PDE1A: variants seen among roughly 807,000 people sequenced by gnomAD.
PDE1A encodes the protein phosphodiesterase 1A.
In PDE1A, 35 loss-of-function variants were observed where a neutral mutation model predicts 61.7. That is an observed-to-expected ratio of 0.57 (90% confidence interval 0.43 to 0.75). PDE1A has a LOEUF of 0.75. Ranked by LOEUF, PDE1A falls within the 30% of genes least tolerant of loss-of-function variation. The probability of loss-of-function intolerance (pLI) is 0.00; values close to 1 mark genes in which losing one functional copy is unlikely to be tolerated. For synonymous variants in PDE1A, 232 were observed against 213.2 expected, an observed-to-expected ratio of 1.09 and a Z score of -0.77; for missense variants, 597 against 630.6, an observed-to-expected ratio of 0.95 and a Z score of 0.57.
the PDE1A span, among the ~76,000 whole-genome samples, chr2:182,687,922 G>T: frequency 6.6e-6 from 1 of 152,190 alleles, no homozygotes; most frequent in East Asian, 1.9e-4. Context: ...GGAAAAAAGG[G>T]TATCACTGAT....
intron 1 of PDE1A, among the ~76,000 whole-genome samples, chr2:182,414,661 A>G (rs1201757546): frequency 1.3e-5 from 2 of 152,108 alleles, no homozygotes. Context: ...ATTGTTATCT[A>G]GACATCTAAA....
the PDE1A span, among the ~76,000 whole-genome samples, chr2:182,678,567 A>G: frequency 6.6e-6 from 1 of 152,244 alleles, no homozygotes; most frequent in Admixed American, 6.5e-5. Flanking sequence ...ATTAATGGGA[A>G]AAACAACTAC....
At chr2:182,676,521 T>C in the PDE1A span, among the ~76,000 whole-genome samples, 99,322 of 151,794 alleles carry the variant, frequency 0.65, 32,853 homozygotes, top group Middle Eastern at 0.78. Flanking sequence ...CCTACTAAAA[T>C]TATCCCAAAA....
At chr2:182,434,421 C>T (rs1441769323) in intron 2 of PDE1A, among the ~76,000 whole-genome samples, 1 of 152,098 alleles carries the variant, frequency 6.6e-6, no homozygotes, top group Non-Finnish European at 1.5e-5. Flanking sequence ...CTCATTTCCT[C>T]ACAGTTACAG....
At chr2:182,207,814 G>A (rs1311799853) in intron 7 of PDE1A, among the ~76,000 whole-genome samples, 1 of 152,194 alleles carries the variant, frequency 6.6e-6, no homozygotes, top group African/African-American at 2.4e-5. Flanking sequence ...CCACTGCTCT[G>A]TGCACGCATC....
chr2:182,673,143 A>C, the PDE1A span, among the ~76,000 whole-genome samples: 3 of 152,224 alleles, frequency 2.0e-5, no homozygotes, highest in African/African-American at 7.2e-5. Context: ...ATATGCCATT[A>C]TATCATTAGC....
intron 2 of PDE1A, among the ~76,000 whole-genome samples, chr2:182,516,688 G>GGAAGGGAA (rs1389906763): frequency 5.6e-4 from 51 of 90,978 alleles, no homozygotes; most frequent in African/African-American, 2.3e-3. Flanking sequence ...AGGGAAGGAG[G>GGAAGGGAA]GAAGGGAGGA....
chr2:182,203,108 G>T (rs1032880848), intron 8 of PDE1A, among the ~76,000 whole-genome samples: 2 of 152,128 alleles, frequency 1.3e-5, no homozygotes, highest in African/African-American at 2.4e-5. Flanking sequence ...GAGGTCAGGA[G>T]ATCGAGACCA....
At chr2:182,151,660 T>C (rs944940035) in intron 13 of PDE1A, among the ~76,000 whole-genome samples, 6 of 152,218 alleles carry the variant, frequency 3.9e-5, no homozygotes, top group African/African-American at 1.4e-4. Flanking sequence ...ACTTTAAATA[T>C]ACTCCTTTAA....
chr2:182,209,243 G>A (rs542661292), intron 7 of PDE1A, among the ~76,000 whole-genome samples: 1 of 152,128 alleles, frequency 6.6e-6, no homozygotes, highest in African/African-American at 2.4e-5. Context: ...CATGGTGGCC[G>A]CAAGAGAGAG....
At chr2:182,450,994 G>A (rs1346581882) in intron 2 of PDE1A, among the ~76,000 whole-genome samples, 1 of 152,050 alleles carries the variant, frequency 6.6e-6, no homozygotes, top group Non-Finnish European at 1.5e-5. Context: ...AATTCCCATT[G>A]AAGTAAGTGA....
intron 2 of PDE1A, among the ~76,000 whole-genome samples, chr2:182,515,466 T>G (rs367729194): frequency 2.0e-4 from 31 of 152,360 alleles, no homozygotes; most frequent in African/African-American, 7.5e-4. Flanking sequence ...TATTGTAATA[T>G]TAGAAAATAT....
the PDE1A span, among the ~76,000 whole-genome samples, chr2:182,683,743 CT>C: frequency 1.3e-5 from 2 of 152,286 alleles, no homozygotes; most frequent in East Asian, 3.9e-4. Context: ...GGCTTAACTA[CT>C]TTTTAGGTAA....
chr2:182,438,546 T>C (rs1172650535), intron 2 of PDE1A, among the ~76,000 whole-genome samples: 3 of 152,030 alleles, frequency 2.0e-5, no homozygotes, highest in African/African-American at 7.2e-5. Flanking sequence ...TATGCTGTTT[T>C]AGCAAGGTTT....
intron 1 of PDE1A, among the ~76,000 whole-genome samples, chr2:182,390,428 T>C (rs950055395): frequency 6.6e-6 from 1 of 152,204 alleles, no homozygotes; most frequent in Non-Finnish European, 1.5e-5. Context: ...AGTGACTCTA[T>C]ACATAATACC....
At chr2:182,622,246 C>T in the PDE1A span, among the ~76,000 whole-genome samples, 3 of 152,144 alleles carry the variant, frequency 2.0e-5, no homozygotes, top group South Asian at 2.1e-4. Flanking sequence ...ATTAAACACA[C>T]GTGACAAGAT....
rs866543709 is a variant in PDE1A, at chr2:182,398,618, A to G, written c.53+27960T>C. Reference sequence around the variant, plus strand: ...CAGAGATGACTGTGATAATTACACAACACTAAGTCCACTGAGCCTTCAGAG... The same window carrying G: ...CAGAGATGACTGTGATAATTACACAGCACTAAGTCCACTGAGCCTTCAGAG... On this transcript the variant is annotated intron_variant, in intron 1 of 13. Transcript: ENST00000351439. Among the ~76,000 whole-genome samples the G allele has an allele frequency of 2.2e-4, 33 of 152,144 alleles. 1 individual carries two copies. Among genetic ancestry groups the G allele is most frequent in the Middle Eastern group, 6.8e-3 (2 of 294 alleles).
At chr2:182,200,466 T>C (rs1686525150) in intron 10 of PDE1A, among the ~76,000 whole-genome samples, 1 of 152,192 alleles carries the variant, frequency 6.6e-6, no homozygotes, top group Non-Finnish European at 1.5e-5. Context: ...GAAAGCTCAG[T>C]AGAGCTTCCT....
chr2:182,358,352 C>A (rs1182575782), intron 1 of PDE1A, among the ~76,000 whole-genome samples: 1 of 152,106 alleles, frequency 6.6e-6, no homozygotes, highest in Non-Finnish European at 1.5e-5. Context: ...TTTTCTGATG[C>A]CCTTACATCT....
Sources: allele counts gnomAD v4.1 joint callset (sites outside exome capture counted in the v4.1 genomes callset), GRCh38; gene constraint gnomAD v4.1.1; transcripts MANE v1.5; gene names NCBI Gene and HGNC (gene_info 2026-07-23, HGNC 2026-07-21).